NKAIN2: variants seen among roughly 807,000 people sequenced by gnomAD.
The protein encoded by NKAIN2 is sodium/potassium transporting ATPase interacting 2.
NKAIN2 carries 14 observed loss-of-function variants against 32.6 expected under a neutral mutation model. That is an observed-to-expected ratio of 0.43 (90% CI 0.28 to 0.67). The LOEUF (loss-of-function observed/expected upper bound fraction) is 0.67, where lower values mean the gene tolerates loss of function less well. Ranked by LOEUF, NKAIN2 falls within the 30% of genes least tolerant of loss-of-function variation. The probability of loss-of-function intolerance (pLI) is 0.17; values close to 1 mark genes in which losing one functional copy is unlikely to be tolerated. For synonymous variants in NKAIN2, 80 were observed against 87.2 expected (o/e 0.92, Z 0.46); for missense variants, 198 against 258.3 (o/e 0.77, Z 1.60).
rs75051385 is a variant in NKAIN2, at chr6:124,515,078, G to A, written c.274-143108G>A. ...TAAAGAATCTTCCTAAATAATGACT[G>A]AGTAGCACAGATATTTCAGAGAGAC... On this transcript the variant is annotated intron_variant, in intron 3 of 6. Coordinates refer to ENST00000368417, the MANE Select transcript of NKAIN2 (RefSeq NM_001040214.3). Among the ~76,000 whole-genome samples the A allele has an allele frequency of 5.3e-4, 81 of 152,252 alleles. No homozygotes were observed. In the East Asian group the frequency reaches 0.013, roughly 24 times the overall value.
At chr6:123,866,151 C>G (rs1199274968) in intron 1 of NKAIN2, among the ~76,000 whole-genome samples, 1 of 152,176 alleles carries the variant, frequency 6.6e-6, no homozygotes, top group African/African-American at 2.4e-5. Context: ...ATGCATTTCA[C>G]TCAGTGCCGT....
At chr6:124,666,972 T>C (rs930522342) in intron 4 of NKAIN2, among the ~76,000 whole-genome samples, 2 of 152,122 alleles carry the variant, frequency 1.3e-5, no homozygotes, top group East Asian at 3.9e-4. Context: ...CCACTGCTCA[T>C]TGAGAATACT....
rs117289414 is a variant in NKAIN2 at position 124,006,788 on chromosome 6, A to G, written c.54+202534A>G. ...CAGGGACATCTCAACCACATGGACTATTAGGGGAGCAACTCTGGCTCCCTG... is the reference window on the plus strand; with the variant it reads ...CAGGGACATCTCAACCACATGGACTGTTAGGGGAGCAACTCTGGCTCCCTG... On this transcript the variant is annotated intron_variant, in intron 1 of 6. Transcript: ENST00000368417. Among the ~76,000 whole-genome samples, 37 of 152,306 alleles carry G rather than the reference A, an allele frequency of 2.4e-4. No individual in the cohort carries two copies. In the East Asian group the frequency reaches 5.4e-3, roughly 22 times the overall value.
intron 4 of NKAIN2, among the ~76,000 whole-genome samples, chr6:124,723,680 C>T (rs1776135540): frequency 6.6e-6 from 1 of 152,142 alleles, no homozygotes; most frequent in African/African-American, 2.4e-5. Flanking sequence ...GGAAGAAAAT[C>T]AGTTTTTACT....
intron 1 of NKAIN2, among the ~76,000 whole-genome samples, chr6:123,951,452 A>C (rs2114585058): frequency 6.6e-6 from 1 of 152,074 alleles, no homozygotes; most frequent in Non-Finnish European, 1.5e-5. Context: ...GTGTGGGTGC[A>C]TAATATTTAG....
Position 124,351,295 on chromosome 6 carries a change from G to T in NKAIN2, c.193-3972G>T, listed in dbSNP as rs182823617. Among the ~76,000 whole-genome samples, 855 of 152,052 alleles carry T rather than the reference G, an allele frequency of 5.6e-3. 45 individuals carry two copies. Among genetic ancestry groups the T allele is most frequent in the Admixed American group, 0.054 (817 of 15,258 alleles). On this transcript the variant is annotated intron_variant, in intron 2 of 6. Transcript: ENST00000368417. The stretch of plus-strand genomic sequence containing the variant: ...TTTGAGAGGCTGAGGCAGGCAGATA[G>T]CTTGAGCCCAGGAGTTTGAGACCAA...
chr6:124,114,840 G>T (rs1785536204), intron 1 of NKAIN2, among the ~76,000 whole-genome samples: 1 of 152,114 alleles, frequency 6.6e-6, no homozygotes, highest in Non-Finnish European at 1.5e-5. Context: ...AGGGTGGGAT[G>T]CTTGAAGCTA....
intron 3 of NKAIN2, among the ~76,000 whole-genome samples, chr6:124,454,823 A>G (rs372085651): frequency 6.6e-6 from 1 of 152,070 alleles, no homozygotes; most frequent in South Asian, 2.1e-4. Flanking sequence ...TTTCAGGACT[A>G]CTTAACAGGA....
chr6:124,539,006 A>G (rs939756265), intron 3 of NKAIN2, among the ~76,000 whole-genome samples: 36 of 152,142 alleles, frequency 2.4e-4, no homozygotes, highest in African/African-American at 8.7e-4. Context: ...ATACTTTTAC[A>G]TAATCTTTGT....
In NKAIN2 at chr6:124,719,353, A is replaced by G. The variant is rs565956345; in HGVS notation, c.474+60967A>G. ...GGTACATTAAGTCCCTAGAGGGGGCAAATGTTTAGCAACATGTTACTTATC... is the reference window on the plus strand; with the variant it reads ...GGTACATTAAGTCCCTAGAGGGGGCGAATGTTTAGCAACATGTTACTTATC... On this transcript the variant is annotated intron_variant, in intron 4 of 6. Transcript: ENST00000368417. Among the ~76,000 whole-genome samples the G allele has an allele frequency of 5.3e-5, 8 of 152,196 alleles. No homozygotes were observed. The East Asian group carries it at 1.4e-3, about 26-fold the overall frequency.
At chr6:124,305,147 A>T (rs1796458461) in intron 2 of NKAIN2, among the ~76,000 whole-genome samples, 1 of 152,216 alleles carries the variant, frequency 6.6e-6, no homozygotes, top group Non-Finnish European at 1.5e-5. Context: ...CATTTTTAAG[A>T]TTAAAAAATT....
At chr6:124,022,407 C>T (rs1003411366) in intron 1 of NKAIN2, among the ~76,000 whole-genome samples, 3 of 152,040 alleles carry the variant, frequency 2.0e-5, no homozygotes, top group African/African-American at 4.8e-5. Flanking sequence ...TGGGTATATA[C>T]CCAGTAATGG....
At chr6:123,813,056 G>A (rs957878927) in intron 1 of NKAIN2, among the ~76,000 whole-genome samples, 1 of 152,176 alleles carries the variant, frequency 6.6e-6, no homozygotes, top group Non-Finnish European at 1.5e-5. Context: ...TAACCTACAC[G>A]GGCTTGCAGC....
At chr6:124,275,654 C>T (rs939339247) in intron 1 of NKAIN2, among the ~76,000 whole-genome samples, 4 of 151,980 alleles carry the variant, frequency 2.6e-5, no homozygotes, top group African/African-American at 2.4e-5. Context: ...AAGAAAGACC[C>T]CCTCCAAATA....
At chr6:124,608,615 A>G (rs1782580952) in intron 3 of NKAIN2, among the ~76,000 whole-genome samples, 1 of 152,180 alleles carries the variant, frequency 6.6e-6, no homozygotes, top group African/African-American at 2.4e-5. Flanking sequence ...ATCTTGTCAA[A>G]TCTTCCAAGT....
intron 1 of NKAIN2, among the ~76,000 whole-genome samples, chr6:124,093,529 A>C (rs1246328897): frequency 1.3e-5 from 2 of 152,142 alleles, no homozygotes; most frequent in African/African-American, 2.4e-5. Flanking sequence ...ATTATTATTA[A>C]CATGTTCAAA....
rs1029199824 is a variant in NKAIN2, at chr6:123,908,588, C to G, written c.54+104334C>G. Among the ~76,000 whole-genome samples the G allele has an allele frequency of 5.9e-5, 9 of 152,154 alleles. No homozygotes were observed. The East Asian group carries it at 1.7e-3, about 29-fold the overall frequency. ...GAATGTCAAACATGACCATGAACTTCTAAAATTCAGAGTGGTTTATTCTTC... is the reference window on the plus strand; with the variant it reads ...GAATGTCAAACATGACCATGAACTTGTAAAATTCAGAGTGGTTTATTCTTC... On this transcript the variant is annotated intron_variant, in intron 1 of 6. Coordinates refer to ENST00000368417, the MANE Select transcript of NKAIN2 (RefSeq NM_001040214.3).
intron 1 of NKAIN2, among the ~76,000 whole-genome samples, chr6:124,168,223 AGT>A (rs1380119456): frequency 6.6e-6 from 1 of 152,114 alleles, no homozygotes; most frequent in Non-Finnish European, 1.5e-5. Context: ...GCTGGCCATA[AGT>A]CTGTAAAATT....
intron 5 of NKAIN2, among the ~76,000 whole-genome samples, chr6:124,791,864 G>T (rs562129296): frequency 6.6e-6 from 1 of 152,230 alleles, no homozygotes; most frequent in Non-Finnish European, 1.5e-5. Context: ...CAGAGAATTT[G>T]TCTTTGGGAA....
Sources: allele counts gnomAD v4.1 joint callset (sites outside exome capture counted in the v4.1 genomes callset), GRCh38; gene constraint gnomAD v4.1.1; transcripts MANE v1.5; gene names NCBI Gene and HGNC (gene_info 2026-07-23, HGNC 2026-07-21).